Variants in MACROD1 observed in about 807,000 individuals in gnomAD.
MACROD1 encodes the protein mono-ADP ribosylhydrolase 1, also known as ADP-ribose glycohydrolase MACROD1.
In MACROD1, 31 loss-of-function variants were observed where a neutral mutation model predicts 41.4. That is an observed-to-expected ratio of 0.75 (90% confidence interval 0.56 to 1.01). The LOEUF (loss-of-function observed/expected upper bound fraction) is 1.01, where lower values mean the gene tolerates loss of function less well. Among genes scored for constraint, MACROD1 ranks in the 50% least tolerant of loss-of-function variants. MACROD1 has a pLI of 0.00. For synonymous variants in MACROD1, 252 were observed against 203.4 expected (o/e 1.24, Z -2.03); for missense variants, 473 against 460.0 (o/e 1.03, Z -0.26).
intron 3 of MACROD1, among the ~76,000 whole-genome samples, chr11:64,141,468 C>T (rs927342129): frequency 4.6e-5 from 7 of 152,216 alleles, no homozygotes; most frequent in African/African-American, 7.2e-5. Flanking sequence ...AGTACCCATC[C>T]GTTAAACGGG....
At chr11:64,099,073 C>T (rs1243872060) in intron 3 of MACROD1, among the ~76,000 whole-genome samples, 1 of 152,226 alleles carries the variant, frequency 6.6e-6, no homozygotes, top group African/African-American at 2.4e-5. Context: ...TGGGCAGTGG[C>T]TCTAGAAGAT....
chr11:64,069,700 G>A (rs1036243433), intron 3 of MACROD1, among the ~76,000 whole-genome samples: 18 of 152,216 alleles, frequency 1.2e-4, no homozygotes, highest in Admixed American at 2.0e-4. Context: ...CAGAGCAGGC[G>A]GTGGTGGGGC....
chr11:63,999,663 C>T lies in MACROD1; in HGVS notation c.765G>A (p.Leu255=), dbSNP rs1158805130. The T allele has an allele frequency of 1.2e-6, 2 of 1,609,268 alleles. No homozygotes were observed. The highest frequency in any genetic ancestry group is 1.3e-5 in the African/African-American group (1 of 74,866). The change falls in exon 6 of 11, where the codon CTG becomes CTA. Residue 255 remains leucine, a synonymous_variant. Coordinates refer to ENST00000255681, the MANE Select transcript of MACROD1 (RefSeq NM_014067.4). The part of the protein sequence containing the change: ...SCYLSSLDLL[L]EHRLRSVAFP... ...TCACCACCGAGCGGAGCCGGTGCTC[C>T]AGCAGCAGGTCCAGACTGCTCAGGT...
intron 3 of MACROD1, chr11:64,103,832 T>G (rs1944712590): frequency 6.6e-6 from 1 of 152,140 alleles, no homozygotes; most frequent in African/African-American, 2.4e-5. Flanking sequence ...CTGTACCCCT[T>G]GCACACAGGA....
chr11:64,052,270 C>T (rs77098443), intron 3 of MACROD1, among the ~76,000 whole-genome samples: 1 of 152,044 alleles, frequency 6.6e-6, no homozygotes, highest in African/African-American at 2.4e-5. Context: ...AAAAAAACAA[C>T]TTTTTTTGCT....
At chr11:64,038,610 AT>A (rs1943427464) in intron 3 of MACROD1, among the ~76,000 whole-genome samples, 1 of 152,178 alleles carries the variant, frequency 6.6e-6, no homozygotes, top group African/African-American at 2.4e-5. Flanking sequence ...CTGCCCAGTC[AT>A]GGGGCTAGCA....
At chr11:64,106,488 G>GCTTA (rs1944765495) in intron 3 of MACROD1, among the ~76,000 whole-genome samples, 1 of 152,202 alleles carries the variant, frequency 6.6e-6, no homozygotes, top group Admixed American at 6.5e-5. Context: ...TACATTCTAA[G>GCTTA]GGGAGGAGAC....
At chr11:64,138,180 C>T (rs529101743) in intron 3 of MACROD1, among the ~76,000 whole-genome samples, 1 of 152,340 alleles carries the variant, frequency 6.6e-6, no homozygotes, top group African/African-American at 2.4e-5. Flanking sequence ...AGCCCTGTCC[C>T]ATGCGCACCG....
rs117277785 is a variant in MACROD1, at chr11:64,084,956, C to T, written c.517+66283G>A. Among the ~76,000 whole-genome samples, 130 of 152,338 alleles carry T rather than the reference C, an allele frequency of 8.5e-4. 1 individual carries two copies. In the East Asian group the frequency reaches 0.019, roughly 22 times the overall value. On this transcript the variant is annotated intron_variant, in intron 3 of 10. Transcript: ENST00000255681. ...GCTGCCCTCCCACAACAAGGGTTTCCGTCTATGGGGAGGCCACATGCAGAC... is the reference window on the plus strand; with the variant it reads ...GCTGCCCTCCCACAACAAGGGTTTCTGTCTATGGGGAGGCCACATGCAGAC...
At chr11:64,058,470 C>T (rs1943834249) in intron 3 of MACROD1, among the ~76,000 whole-genome samples, 1 of 152,204 alleles carries the variant, frequency 6.6e-6, no homozygotes, top group South Asian at 2.1e-4. Flanking sequence ...CCTGGGTGGG[C>T]GAAGAGCAGG....
intron 3 of MACROD1, among the ~76,000 whole-genome samples, chr11:64,124,494 A>G (rs570393089): frequency 6.6e-6 from 1 of 152,250 alleles, no homozygotes; most frequent in South Asian, 2.1e-4. Flanking sequence ...CTTTTTAAAA[A>G]ACTCACAGAA....
chr11:64,059,214 G>C (rs893049984), intron 3 of MACROD1, among the ~76,000 whole-genome samples: 1 of 152,214 alleles, frequency 6.6e-6, no homozygotes, highest in African/African-American at 2.4e-5. Context: ...AGGGGGCAAA[G>C]GCTGGCTCCA....
intron 3 of MACROD1, among the ~76,000 whole-genome samples, chr11:64,115,126 C>T (rs757728645): frequency 7.9e-5 from 12 of 152,180 alleles, no homozygotes; most frequent in Non-Finnish European, 1.5e-4. Flanking sequence ...GAAAAGCCTC[C>T]GTGAACCCAG....
rs1944018547 is a variant in MACROD1 at position 64,067,060 on chromosome 11, G to A, written c.518-51779C>T. Among the ~76,000 whole-genome samples, 1 of 152,034 alleles carries A rather than the reference G, an allele frequency of 6.6e-6. No homozygotes were observed. The highest frequency in any genetic ancestry group is 2.4e-5 in the African/African-American group (1 of 41,402). ...GGCTCAGGGACCCCCCATGCCCAAT[G>A]TCCTGGCTCATTTGGGTAAACTAAG... On this transcript the variant is annotated intron_variant, in intron 3 of 10. Transcript: ENST00000255681. This position sits in a 1 kb window ranked among gnomAD's most constrained non-coding sequence, Gnocchi z 4.6.
chr11:64,028,423 C>CAGAGGGAGGAGGG (rs1007556460), intron 3 of MACROD1, among the ~76,000 whole-genome samples: 8 of 152,214 alleles, frequency 5.3e-5, no homozygotes, highest in Non-Finnish European at 8.8e-5. Context: ...CTCCACGCTG[C>CAGAGGGAGGAGGG]AGAGGGAGGA....
At chr11:64,045,427 G>A (rs1428452719) in intron 3 of MACROD1, among the ~76,000 whole-genome samples, 5 of 152,212 alleles carry the variant, frequency 3.3e-5, no homozygotes, top group Non-Finnish European at 1.5e-5. Flanking sequence ...GGTGAAGAGC[G>A]CAGGAGAGAG....
At chr11:64,155,929 T>C (rs1294738702) in intron 1 of MACROD1, among the ~76,000 whole-genome samples, 1 of 151,838 alleles carries the variant, frequency 6.6e-6, no homozygotes, top group Admixed American at 6.6e-5. Flanking sequence ...GCCAACATGG[T>C]GAAACCCCAT....
intron 3 of MACROD1, among the ~76,000 whole-genome samples, chr11:64,092,566 A>G (rs1944508777): frequency 6.6e-6 from 1 of 152,190 alleles, no homozygotes; most frequent in African/African-American, 2.4e-5. Context: ...GTGCCTTCCC[A>G]TGGCCCAGCC....
intron 3 of MACROD1, among the ~76,000 whole-genome samples, chr11:64,119,499 C>T (rs564550545): frequency 3.0e-4 from 45 of 149,732 alleles, no homozygotes; most frequent in South Asian, 2.1e-4. Flanking sequence ...CCTCCTAGGA[C>T]GGGTAATTAG....
Sources: allele counts gnomAD v4.1 joint callset (sites outside exome capture counted in the v4.1 genomes callset), GRCh38; gene constraint gnomAD v4.1.1; non-coding constraint Gnocchi (gnomAD v3.1); transcripts MANE v1.5; gene names NCBI Gene and HGNC (gene_info 2026-07-23, HGNC 2026-07-21).